WRAP73: variants seen among roughly 807,000 people sequenced by gnomAD.
WRAP73 encodes WD repeat containing, antisense to TP73.
In WRAP73, 55 loss-of-function variants were observed where a neutral mutation model predicts 59.6. The observed-to-expected ratio is 0.92, with a 90% CI of 0.74 to 1.15. WRAP73 has a LOEUF of 1.15. Ranked by LOEUF, WRAP73 falls within the 50% of genes most tolerant of loss-of-function variation. WRAP73 has a pLI of 0.00. For synonymous variants in WRAP73, 265 were observed against 258.2 expected (o/e 1.03, Z -0.25); for missense variants, 592 against 608.1 (o/e 0.97, Z 0.28).
chr1:3,649,502 C>T (rs1644720447), intron 1 of WRAP73, among the ~76,000 whole-genome samples: 1 of 152,186 alleles, frequency 6.6e-6, no homozygotes, highest in Non-Finnish European at 1.5e-5. Flanking sequence ...GTGCAGTCGG[C>T]ACTGCCGATA....
chr1:3,649,046 T>A (rs1644715894), intron 1 of WRAP73, among the ~76,000 whole-genome samples: 1 of 152,208 alleles, frequency 6.6e-6, no homozygotes, highest in African/African-American at 2.4e-5. Flanking sequence ...AGGTGGTGGA[T>A]AAGGAAAACG....
intron 5 of WRAP73, chr1:3,636,591 C>T (rs1156543473): frequency 5.1e-5 from 18 of 355,240 alleles, no homozygotes; most frequent in Non-Finnish European, 8.8e-5. Context: ...GTGCTGGAAT[C>T]GTGTTCATAT....
Position 3,646,916 on chromosome 1 carries a change from G to C in WRAP73, c.223-134C>G. On this transcript the variant is annotated intron_variant, in intron 2 of 11. Coordinates refer to ENST00000270708, the MANE Select transcript of WRAP73 (RefSeq NM_017818.4). The surrounding 1 kb of genome is among the most constrained non-coding windows in gnomAD (Gnocchi z 5.1). The stretch of plus-strand genomic sequence containing the variant: ...CAAACTCATCAGCAGTCTATAGCGA[G>C]GCCTCGCCGAGAGACAACTCCCTTA... The C allele has an allele frequency of 1.5e-6, 1 of 678,396 alleles. No homozygotes were observed. Among genetic ancestry groups the C allele is most frequent in the Non-Finnish European group, 2.5e-6 (1 of 400,052 alleles). 42.0% of individuals were successfully genotyped at this position (678,396 alleles called of 1,614,324 possible).
rs1557457761 is a variant in WRAP73 at position 3,637,014 on chromosome 1, CT to C, written c.496del (p.Ser166ValfsTer88). 6.2e-7 allele frequency: 1 copy of C among 1,613,820 alleles called. No individual in the cohort carries two copies. Among genetic ancestry groups the C allele is most frequent in the South Asian group, 1.1e-5 (1 of 91,064 alleles). On this transcript the variant is annotated frameshift_variant, in exon 5 of 12. Transcript: ENST00000270708. LOFTEE classifies it high-confidence loss of function. ...CKDYVSIFVC[S>X]DWQLLRHFDT... ...CCTTACCCGCAGGAGCTGCCAATCA[CT>C]GCAGACGAAGATGCTCACGTAATCT...
chr1:3,646,830 C>G lies in WRAP73; in HGVS notation c.223-48G>C, dbSNP rs375731832. 1.3e-6 allele frequency: 2 copies of G among 1,518,318 alleles called. No homozygotes were observed. The highest frequency in any genetic ancestry group is 1.8e-6 in the Non-Finnish European group (2 of 1,103,126). The allele number at this position is 1,518,318 out of a possible 1,614,324, so 94.1% of individuals were successfully genotyped here. On this transcript the variant is annotated intron_variant, in intron 2 of 11. Transcript: ENST00000270708. This position sits in a 1 kb window ranked among gnomAD's most constrained non-coding sequence, Gnocchi z 5.1. ...CACACAAGTGCAAACTCATCAGCAC[C>G]GAGAGACAGCGAGGACAGCTCGCTT...
rs759032292 is a variant in WRAP73 at position 3,632,317 on chromosome 1, A to G, written c.944T>C (p.Val315Ala). Residue 315 changes from valine (V) to alanine (A), a missense_variant, in exon 10 of 12, where the codon GTC (valine) becomes GCC (alanine). Val to Ala is a moderately conservative substitution (Grantham distance 64, BLOSUM62 0). Transcript: ENST00000270708. ...ESKYEIASVP[V>A]SLQTLKPVTD... ...AACAGGTTTCAGTGTCTGTAAGGAG[A>G]CTGGGACAGAGGCGATCTCATCTAG... The G allele has an allele frequency of 7.4e-6, 12 of 1,614,142 alleles. No homozygotes were observed. The highest frequency in any genetic ancestry group is 1.0e-5 in the Non-Finnish European group (12 of 1,180,028).
At chr1:3,632,504 C>T (rs956010155) in intron 9 of WRAP73, 166 bp from the exon 10 acceptor site, 25 of 1,107,526 alleles carry the variant, frequency 2.3e-5, no homozygotes, top group East Asian at 1.8e-4. Flanking sequence ...GCCTGGCAGC[C>T]GCAGCGAGGG....
Position 3,631,119 on chromosome 1 carries a change from T to A in WRAP73, c.1241-2A>T, listed in dbSNP as rs371366360. 6.2e-7 allele frequency: 1 copy of A among 1,613,168 alleles called. No individual in the cohort carries two copies. The highest frequency in any genetic ancestry group is 1.3e-5 in the African/African-American group (1 of 75,058). ...ACAGAGAGAGCACTGCAAAGTCGCC[T>A]AGAGAGAGACAGGTGGCCAGAGGAT... On this transcript the variant is annotated splice_acceptor_variant, in intron 11 of 11. Transcript: ENST00000270708. LOFTEE classifies it high-confidence loss of function.
rs143137458 is a variant in WRAP73 at position 3,647,434 on chromosome 1, C to T, written c.196G>A (p.Ala66Thr). Residue 66 changes from alanine to threonine, a missense_variant, in exon 2 of 12, where the codon GCC (alanine) becomes ACC (threonine). Coordinates refer to ENST00000270708, the MANE Select transcript of WRAP73 (RefSeq NM_017818.4). Reference sequence around the variant, plus strand: ...TGCACCAGCCCTCGCTTGTACATGGCGCACAGGATGAAGAGCGAGTCTGCC... The same window carrying T: ...TGCACCAGCCCTCGCTTGTACATGGTGCACAGGATGAAGAGCGAGTCTGCC... ...WSADSLFILC[A>T]MYKRGLVQVW... 34 of 1,613,608 alleles carry T rather than the reference C, an allele frequency of 2.1e-5. No homozygotes were observed. Among genetic ancestry groups the T allele is most frequent in the African/African-American group, 2.0e-4 (15 of 75,000 alleles).
At chr1:3,643,110 C>T (rs1644662180) in intron 3 of WRAP73, among the ~76,000 whole-genome samples, 1 of 152,226 alleles carries the variant, frequency 6.6e-6, no homozygotes, top group South Asian at 2.1e-4. Flanking sequence ...GTCCAGCAGG[C>T]GAGGACTGAA....
chr1:3,635,632 G>A (rs1356938453), intron 6 of WRAP73: 7 of 479,376 alleles, frequency 1.5e-5, no homozygotes, highest in Admixed American at 3.7e-5. Flanking sequence ...AGCAGTCTGG[G>A]CAACACGGTG....
Position 3,631,549 on chromosome 1 carries a change from G to GA in WRAP73, c.1156_1157insT (p.Pro386LeufsTer81). ...GCCTCCCGTGCAGATGGCCAGCCGC[G>GA]GCTGCTGCGGGTCCCACTGAAATGC... On this transcript the variant is annotated frameshift_variant, in exon 11 of 12. Coordinates refer to ENST00000270708, the MANE Select transcript of WRAP73 (RefSeq NM_017818.4). LOFTEE classifies it high-confidence loss of function. 1.2e-6 allele frequency: 2 copies of GA among 1,611,168 alleles called. No individual in the cohort carries two copies. Among genetic ancestry groups the GA allele is most frequent in the Non-Finnish European group, 1.7e-6 (2 of 1,179,588 alleles).
chr1:3,646,784 T>C lies in WRAP73; in HGVS notation c.223-2A>G, dbSNP rs1557464778. On this transcript the variant is annotated splice_acceptor_variant, in intron 2 of 11. Coordinates refer to ENST00000270708, the MANE Select transcript of WRAP73 (RefSeq NM_017818.4). LOFTEE classifies it high-confidence loss of function. The surrounding 1 kb of genome is among the most constrained non-coding windows in gnomAD (Gnocchi z 5.1). Reference sequence around the variant, plus strand: ...TTCGGGCTGCTCTAAAGACCAGACCTGGATTGAGAGAAGAAAGAAACACAC... The same window carrying C: ...TTCGGGCTGCTCTAAAGACCAGACCCGGATTGAGAGAAGAAAGAAACACAC... 6.2e-7 allele frequency: 1 copy of C among 1,609,428 alleles called. No individual in the cohort carries two copies.
Position 3,650,082 on chromosome 1 carries a change from C to G in WRAP73, c.-83G>C. On this transcript the variant is annotated 5_prime_UTR_variant, in exon 1 of 12. Transcript: ENST00000270708. ...GCGCAGCAGGCTGCAACAGCCGACG[C>G]CGGCCTCCGAGGCCGGAAGTCAGAA... 2 of 1,398,290 alleles carry G rather than the reference C, an allele frequency of 1.4e-6. No homozygotes were observed. Among genetic ancestry groups the G allele is most frequent in the South Asian group, 1.4e-5 (1 of 72,654 alleles). 86.6% of individuals were successfully genotyped at this position (1,398,290 alleles called of 1,614,324 possible).
intron 1 of WRAP73, 51 bp downstream of exon 1, chr1:3,649,880 G>T: frequency 1.3e-6 from 2 of 1,548,656 alleles, no homozygotes; most frequent in South Asian, 1.2e-5. Context: ...GCCCGCCGGG[G>T]ACGCTGGCAC....
In WRAP73 at chr1:3,639,109, C is replaced by G. The variant is rs971814966; in HGVS notation, c.340-287G>C. The G allele has an allele frequency of 5.0e-6, 2 of 402,134 alleles. No homozygotes were observed. Among genetic ancestry groups the G allele is most frequent in the African/African-American group, 4.2e-5 (2 of 48,176 alleles). The allele number at this position is 402,134 out of a possible 1,614,324, so 24.9% of individuals were successfully genotyped here. A position where few individuals can be genotyped will look rare whatever the true frequency, so the allele number is the denominator to read the frequency against. On this transcript the variant is annotated intron_variant, in intron 3 of 11. Transcript: ENST00000270708. The surrounding 1 kb of genome is among the most constrained non-coding windows in gnomAD (Gnocchi z 4.3). ...TTTTCATTAGCTTTTTCAAAGTGAC[C>G]ATAGGTTGCATGTTATAATAACCCT...
In WRAP73 at chr1:3,639,306, T is replaced by G. The variant is rs2760318; in HGVS notation, c.340-484A>C. 0.94 allele frequency: 160,012 copies of G among 170,242 alleles called. 75,373 individuals are homozygous for G. The highest frequency in any genetic ancestry group is 1 in the East Asian group (5,332 of 5,342). 10.5% of individuals were successfully genotyped at this position (170,242 alleles called of 1,614,324 possible). ...CAGCCACTCAACACCCAAGAAGGTG[T>G]CCGTCTGCCTCCTGCGTGTGCTCGC... On this transcript the variant is annotated intron_variant, in intron 3 of 11. Coordinates refer to ENST00000270708, the MANE Select transcript of WRAP73 (RefSeq NM_017818.4). The surrounding 1 kb of genome is among the most constrained non-coding windows in gnomAD (Gnocchi z 4.3).
rs748572382 is a variant in WRAP73, at chr1:3,633,543, G to A, written c.817-40C>T. On this transcript the variant is annotated intron_variant, in intron 8 of 11. Coordinates refer to ENST00000270708, the MANE Select transcript of WRAP73 (RefSeq NM_017818.4). ...GTGGCCACGCCCGGCTCAGGACAGG[G>A]ACCCGGAAGCCAAGGATGGACGTGG... 5 of 1,497,856 alleles carry A rather than the reference G, an allele frequency of 3.3e-6. No individual in the cohort carries two copies. In the East Asian group the frequency reaches 9.4e-5, roughly 28 times the overall value. 92.8% of individuals were successfully genotyped at this position (1,497,856 alleles called of 1,614,324 possible). A position where few individuals can be genotyped will look rare whatever the true frequency, so the allele number is the denominator to read the frequency against.
rs1557462633 is a variant in WRAP73, at chr1:3,643,535, GGCGC to G, written c.339+3127_339+3130del. 4.7e-4 allele frequency among the ~76,000 whole-genome samples: 72 copies of G among 152,212 alleles called. 2 individuals carry two copies. The highest frequency in any genetic ancestry group is 6.8e-3 in the Middle Eastern group (2 of 294). ...GCTCCACAGCACCCTCACGTGGGGT[GGCGC>G]CTTCGCAAGTGGACTCAGCGGCCCC... On this transcript the variant is annotated intron_variant, in intron 3 of 11. Coordinates refer to ENST00000270708, the MANE Select transcript of WRAP73 (RefSeq NM_017818.4).
Sources: gnomAD v4.1 joint callset for allele counts (sites outside exome capture counted in the v4.1 genomes callset) on GRCh38, gnomAD v4.1.1 for gene constraint, Gnocchi (gnomAD v3.1) non-coding constraint, MANE v1.5 for transcripts, NCBI Gene and HGNC (gene_info 2026-07-23, HGNC 2026-07-21) for gene names.